The following INPP4B variants were observed in gnomAD, a reference collection of about 807,000 sequenced individuals.
The protein encoded by INPP4B is inositol polyphosphate 4-phosphatase type II.
In INPP4B, 55 loss-of-function variants were observed where a neutral mutation model predicts 122.5. The observed-to-expected ratio is 0.45, with a 90% CI of 0.36 to 0.56. INPP4B has a LOEUF of 0.56. Among genes scored for constraint, INPP4B ranks in the 20% least tolerant of loss-of-function variants. INPP4B has a pLI of 0.00. For missense variants in INPP4B, 1,000 were observed against 1,097.7 expected (o/e 0.91, Z 1.26); for synonymous variants, 403 against 388.7 (o/e 1.04, Z -0.43).
chr4:142,787,756 A>G (rs1417697641), intron 1 of INPP4B, among the ~76,000 whole-genome samples: 3 of 152,132 alleles, frequency 2.0e-5, no homozygotes, highest in Non-Finnish European at 4.4e-5. Flanking sequence ...CTGCCCTCCA[A>G]AAAAATCTAC....
At chr4:142,192,052 C>T (rs1836074786) in intron 15 of INPP4B, among the ~76,000 whole-genome samples, 1 of 151,794 alleles carries the variant, frequency 6.6e-6, no homozygotes, top group Admixed American at 6.6e-5. Flanking sequence ...CTGGTTTTGG[C>T]ACTCAAACAG....
At chr4:142,053,087 G>A (rs780748891) in intron 25 of INPP4B, among the ~76,000 whole-genome samples, 1 of 152,062 alleles carries the variant, frequency 6.6e-6, no homozygotes, top group Non-Finnish European at 1.5e-5. Flanking sequence ...TTGTCTGGGA[G>A]AGACTTCACA....
intron 22 of INPP4B, among the ~76,000 whole-genome samples, chr4:142,111,254 T>C (rs1285150283): frequency 6.6e-6 from 1 of 152,126 alleles, no homozygotes. Context: ...ACTCCCAAAA[T>C]TGTTGCCTGT....
intron 2 of INPP4B, among the ~76,000 whole-genome samples, chr4:142,609,431 G>GA (rs1009560880): frequency 6.7e-5 from 10 of 148,174 alleles, no homozygotes; most frequent in Admixed American, 1.3e-4. Context: ...TATCCTAAAA[G>GA]AAAAAAAAAA....
rs139085813 is a variant in INPP4B, at chr4:142,558,198, A to G, written c.-190-95472T>C. Among the ~76,000 whole-genome samples the G allele has an allele frequency of 4.4e-3, 665 of 152,274 alleles. 5 individuals carry two copies. Among genetic ancestry groups the G allele is most frequent in the Non-Finnish European group, 5.0e-3 (337 of 68,038 alleles). On this transcript the variant is annotated intron_variant, in intron 2 of 25. Coordinates refer to ENST00000262992, the MANE Select transcript of INPP4B (RefSeq NM_001101669.3). Reference sequence around the variant, plus strand: ...TCATTCCTCAGTCCAAGCTCTTTTCAAAACCTTGACCGCTAGATTTTGAGC... The same window carrying G: ...TCATTCCTCAGTCCAAGCTCTTTTCGAAACCTTGACCGCTAGATTTTGAGC...
chr4:142,803,936 A>G (rs1224768617), intron 1 of INPP4B, among the ~76,000 whole-genome samples: 1 of 151,890 alleles, frequency 6.6e-6, no homozygotes, highest in Non-Finnish European at 1.5e-5. Flanking sequence ...GCATGTGCCT[A>G]TAATCCTAGC....
At chr4:142,405,811 C>T (rs1386437304) in intron 5 of INPP4B, among the ~76,000 whole-genome samples, 1 of 151,950 alleles carries the variant, frequency 6.6e-6, no homozygotes, top group African/African-American at 2.4e-5. Context: ...TAATACACAC[C>T]AACAGAAACA....
At chr4:142,511,614 G>C (rs1321969961) in intron 2 of INPP4B, among the ~76,000 whole-genome samples, 3 of 152,028 alleles carry the variant, frequency 2.0e-5, no homozygotes, top group African/African-American at 7.2e-5. Flanking sequence ...ATCACCTATG[G>C]AGCTTTGAAA....
chr4:142,181,055 T>C (rs1237337649), intron 15 of INPP4B, among the ~76,000 whole-genome samples: 2 of 152,172 alleles, frequency 1.3e-5, no homozygotes, highest in Non-Finnish European at 2.9e-5. Context: ...AAACGCTACA[T>C]GAAGGGCTGG....
At chr4:142,222,333 C>G (rs928535072) in intron 12 of INPP4B, among the ~76,000 whole-genome samples, 1 of 152,200 alleles carries the variant, frequency 6.6e-6, no homozygotes, top group Admixed American at 6.5e-5. Context: ...CTTGAGTCAT[C>G]CTTGACATTT....
intron 2 of INPP4B, among the ~76,000 whole-genome samples, chr4:142,481,482 C>T (rs1366362434): frequency 1.3e-5 from 2 of 152,052 alleles, no homozygotes; most frequent in Admixed American, 6.6e-5. Context: ...AGGGAAGGAA[C>T]ATTTAGAAGT....
chr4:142,134,775 C>T (rs1579028739), intron 18 of INPP4B, among the ~76,000 whole-genome samples: 2 of 99,248 alleles, frequency 2.0e-5, no homozygotes, highest in South Asian at 6.3e-4. Context: ...CCAGCCTGGG[C>T]AACAAGAGCG....
intron 18 of INPP4B, among the ~76,000 whole-genome samples, chr4:142,129,483 T>C (rs1800213069): frequency 1.3e-5 from 2 of 152,184 alleles, no homozygotes; most frequent in African/African-American, 4.8e-5. Flanking sequence ...GCAGACACTT[T>C]ATAGGTAAAT....
At chr4:142,653,089 T>A (rs1445969324) in intron 2 of INPP4B, among the ~76,000 whole-genome samples, 1 of 152,134 alleles carries the variant, frequency 6.6e-6, no homozygotes, top group Non-Finnish European at 1.5e-5. Flanking sequence ...AACCATCTGA[T>A]CTTTGACAAA....
chr4:142,449,788 G>A (rs182296671), intron 3 of INPP4B, among the ~76,000 whole-genome samples: 46 of 152,096 alleles, frequency 3.0e-4, no homozygotes, highest in Non-Finnish European at 4.0e-4. Context: ...ATAGAAGACC[G>A]CTTGGATTCT....
chr4:142,245,976 GTGTGTATGTATACATATATA>G lies in INPP4B; in HGVS notation c.689-7985_689-7966del, dbSNP rs1314399313. Among the ~76,000 whole-genome samples, 50 of 13,878 alleles carry G rather than the reference GTGTGTATGTATACATATATA, an allele frequency of 3.6e-3. 4 individuals carry two copies. Among genetic ancestry groups the G allele is most frequent in the East Asian group, 0.012 (1 of 86 alleles). 9.1% of individuals were successfully genotyped at this position (13,878 alleles called of 152,430 possible). ...TATATATGTGTATGTATACACACATGTGTGTATGTATACATATATATGTGTATGTATACACACATGTGTGT... is the reference window on the plus strand; with the variant it reads ...TATATATGTGTATGTATACACACATGTGTGTATGTATACACACATGTGTGT... On this transcript the variant is annotated intron_variant, in intron 11 of 25. Coordinates refer to ENST00000262992, the MANE Select transcript of INPP4B (RefSeq NM_001101669.3).
At chr4:142,286,820 A>G (rs1264561608) in intron 9 of INPP4B, 1 of 152,204 alleles carries the variant, frequency 6.6e-6, no homozygotes, top group Non-Finnish European at 1.5e-5. Context: ...AGTGGTGGTC[A>G]CTTTTTTATC....
intron 7 of INPP4B, among the ~76,000 whole-genome samples, chr4:142,391,418 C>T (rs1227877454): frequency 2.0e-5 from 3 of 152,042 alleles, no homozygotes; most frequent in African/African-American, 7.2e-5. Flanking sequence ...AAAAAATAGC[C>T]GGGTGTGGTG....
chr4:142,382,246 C>T (rs115269713), intron 7 of INPP4B, among the ~76,000 whole-genome samples: 6 of 152,060 alleles, frequency 3.9e-5, no homozygotes, highest in African/African-American at 7.2e-5. Context: ...CAGTGGTTTA[C>T]GCCTGTAATC....
Sources: gnomAD v4.1 joint callset for allele counts (sites outside exome capture counted in the v4.1 genomes callset) on GRCh38, gnomAD v4.1.1 for gene constraint, MANE v1.5 for transcripts, NCBI Gene and HGNC (gene_info 2026-07-23, HGNC 2026-07-21) for gene names.